NOTCH2: variants seen among roughly 807,000 people sequenced by gnomAD.
NOTCH2 encodes the protein notch receptor 2.
Under a neutral mutation model 235.8 loss-of-function variants are expected in NOTCH2, and 29 were observed. The ratio of observed to expected loss-of-function variants is 0.12; its 90% CI spans 0.09 to 0.17. The LOEUF (loss-of-function observed/expected upper bound fraction) is 0.17. Among genes scored for constraint, NOTCH2 ranks in the 10% least tolerant of loss-of-function variants. The pLI is 1.00. For synonymous variants in NOTCH2, 1,086 were observed against 1,141.5 expected (o/e 0.95, Z 0.98); for missense variants, 2,285 against 3,150.2 (o/e 0.73, Z 6.57).
Position 119,929,091 on chromosome 1 carries a change from C to T in NOTCH2, c.3777G>A (p.Glu1259=). ...SCRCLPGFAG[E]RCEGDINECL... Reference sequence around the variant, plus strand: ...ACTCGTTGATGTCTCCCTCACAACGCTCCCCAGCAAAGCCAGGCAAGCAGC... The same window carrying T: ...ACTCGTTGATGTCTCCCTCACAACGTTCCCCAGCAAAGCCAGGCAAGCAGC... The change falls in exon 23 of 34, where the codon GAG becomes GAA. Residue 1259 remains glutamate (E), a synonymous_variant. Transcript: ENST00000256646. 1 of 1,614,208 alleles carries T rather than the reference C, an allele frequency of 6.2e-7. No individual in the cohort carries two copies.
At chr1:119,941,470 TTCCCTTTC>T (rs1472167540) in intron 18 of NOTCH2, 48 bp downstream of exon 18, 3 of 1,299,280 alleles carry the variant, frequency 2.3e-6, no homozygotes, top group Middle Eastern at 2.5e-4. Context: ...TGAAATTTCC[TTCCCTTTC>T]TCCCTTTCTC....
At chr1:120,037,954 T>TA (rs1182111871) in intron 1 of NOTCH2, among the ~76,000 whole-genome samples, 39 of 152,236 alleles carry the variant, frequency 2.6e-4, no homozygotes, top group Non-Finnish European at 4.3e-4. Flanking sequence ...TTTCATACTA[T>TA]AAAAAAATCA....
intron 1 of NOTCH2, among the ~76,000 whole-genome samples, chr1:120,041,041 C>CAAAAAAAAAAAA (rs71586698): frequency 6.4e-5 from 1 of 15,670 alleles, no homozygotes; most frequent in Non-Finnish European, 1.1e-4. Context: ...ACTCTGCCTG[C>CAAAAAAAAAAAA]AAAAAAAAAA....
At chr1:119,975,875 ACTAATCTGATTT>A (rs1553200886) in intron 5 of NOTCH2, among the ~76,000 whole-genome samples, 1 of 152,110 alleles carries the variant, frequency 6.6e-6, no homozygotes, top group African/African-American at 2.4e-5. Context: ...CCCACAAACC[ACTAATCTGATTT>A]GGAGCTACAA....
chr1:120,033,875 CT>C (rs1202386916), intron 1 of NOTCH2, among the ~76,000 whole-genome samples: 4 of 152,032 alleles, frequency 2.6e-5, no homozygotes, highest in Non-Finnish European at 5.9e-5. Flanking sequence ...TATAACATCA[CT>C]TTGTACCCTA....
chr1:119,940,783 C>T, intron 18 of NOTCH2, 27 bp from the exon 19 acceptor site: 1 of 1,594,692 alleles, frequency 6.3e-7, no homozygotes, highest in East Asian at 2.2e-5. Context: ...GCAACATCAG[C>T]TATGTATCTG....
chr1:119,938,493 GGTCAA>G (rs1649944173), intron 19 of NOTCH2, among the ~76,000 whole-genome samples: 1 of 152,134 alleles, frequency 6.6e-6, no homozygotes, highest in Admixed American at 6.5e-5. Flanking sequence ...AGTGGTGGCA[GGTCAA>G]GTCAAGGAAT....
chr1:119,951,589 T>C (rs1650477679), intron 14 of NOTCH2, among the ~76,000 whole-genome samples: 1 of 152,246 alleles, frequency 6.6e-6, no homozygotes, highest in Non-Finnish European at 1.5e-5. Flanking sequence ...CTACCACCCA[T>C]GTGGTACTTC....
rs1648916058 is a variant in NOTCH2, at chr1:119,912,142, A to T, written c.*3164T>A. The T allele has an allele frequency of 4.3e-6, 1 of 233,578 alleles. No homozygotes were observed. The highest frequency in any genetic ancestry group is 8.5e-6 in the Non-Finnish European group (1 of 117,974). 14.5% of individuals were successfully genotyped at this position (233,578 alleles called of 1,614,324 possible). Reference sequence around the variant, plus strand: ...TACCTTTAGAATGAAACGGAAAAGTAAAAACAAAGTGTGCATTTTCCTTAC... The same window carrying T: ...TACCTTTAGAATGAAACGGAAAAGTTAAAACAAAGTGTGCATTTTCCTTAC... On this transcript the variant is annotated 3_prime_UTR_variant, in exon 34 of 34. Coordinates refer to ENST00000256646, the MANE Select transcript of NOTCH2 (RefSeq NM_024408.4).
At chr1:119,980,511 C>T (rs892626479) in intron 5 of NOTCH2, among the ~76,000 whole-genome samples, 3 of 152,098 alleles carry the variant, frequency 2.0e-5, no homozygotes, top group Non-Finnish European at 2.9e-5. Context: ...CCATTTTGCC[C>T]CTTCCTTCTC....
chr1:119,963,464 A>G, intron 11 of NOTCH2, 110 bp downstream of exon 11: 2 of 1,013,834 alleles, frequency 2.0e-6, no homozygotes, highest in Non-Finnish European at 3.1e-6. Flanking sequence ...TCTCAGAATC[A>G]GGACTGTTTT....
chr1:119,977,092 G>A (rs1651613635), intron 5 of NOTCH2, among the ~76,000 whole-genome samples: 1 of 152,098 alleles, frequency 6.6e-6, no homozygotes, highest in Non-Finnish European at 1.5e-5. Context: ...ATGGGGGGTA[G>A]CTGTTTACCT....
intron 2 of NOTCH2, among the ~76,000 whole-genome samples, chr1:120,028,440 C>T (rs868967971): frequency 2.6e-5 from 4 of 152,044 alleles, no homozygotes; most frequent in African/African-American, 9.7e-5. Flanking sequence ...GAATGCACCA[C>T]GTTTTTTTTT....
intron 3 of NOTCH2, among the ~76,000 whole-genome samples, chr1:120,002,475 C>T (rs1240623319): frequency 2.2e-4 from 34 of 151,974 alleles, no homozygotes; most frequent in Non-Finnish European, 4.0e-4. Flanking sequence ...CCAATCCAGG[C>T]GGAACTACAA....
In NOTCH2 at chr1:119,968,336, G is replaced by C. The variant is rs181392275; in HGVS notation, c.1109-104C>G. The C allele has an allele frequency of 8.3e-5, 101 of 1,217,876 alleles. No homozygotes were observed. In the African/African-American group the frequency reaches 1.4e-3, roughly 17 times the overall value. The allele number at this position is 1,217,876 out of a possible 1,614,324, so 75.4% of individuals were successfully genotyped here. ...GGAAAACCTCATGATCAGTTCCTCA[G>C]AATCCAACATGGAGATTTATACGCA... is the stretch of plus-strand genomic sequence containing the variant. On this transcript the variant is annotated intron_variant, in intron 6 of 33. Transcript: ENST00000256646.
intron 1 of NOTCH2, among the ~76,000 whole-genome samples, chr1:120,035,454 C>T (rs1461089574): frequency 6.6e-6 from 1 of 152,162 alleles, no homozygotes; most frequent in East Asian, 1.9e-4. Context: ...CTCCCCACCA[C>T]TTCCACTGCA....
At chr1:119,975,478 T>C (rs1553200811) in intron 5 of NOTCH2, among the ~76,000 whole-genome samples, 1 of 152,020 alleles carries the variant, frequency 6.6e-6, no homozygotes, top group African/African-American at 2.4e-5. Flanking sequence ...AAACCCCGTC[T>C]TTACTAAAAA....
chr1:119,999,869 AAGAC>A (rs1281394750), intron 3 of NOTCH2, among the ~76,000 whole-genome samples: 27 of 149,956 alleles, frequency 1.8e-4, no homozygotes, highest in African/African-American at 6.2e-4. Flanking sequence ...AGTGAGAAGA[AAGAC>A]AGACAGAAAG....
intron 24 of NOTCH2, among the ~76,000 whole-genome samples, chr1:119,926,017 T>C (rs1455495973): frequency 6.6e-6 from 1 of 152,206 alleles, no homozygotes; most frequent in Non-Finnish European, 1.5e-5. Context: ...CTGGCAGTGA[T>C]AAAAGAATGG....
Sources: gnomAD v4.1 joint callset for allele counts (sites outside exome capture counted in the v4.1 genomes callset) on GRCh38, gnomAD v4.1.1 for gene constraint, MANE v1.5 for transcripts, NCBI Gene and HGNC (gene_info 2026-07-23, HGNC 2026-07-21) for gene names.